The following WBP1L variants were observed in gnomAD, a reference collection of about 807,000 sequenced individuals.
WBP1L encodes the protein WW domain binding protein 1 like, also known as WW domain binding protein 1-like.
Under a neutral mutation model 33.7 loss-of-function variants are expected in WBP1L, and 17 were observed. The ratio of observed to expected loss-of-function variants is 0.50; its 90% CI spans 0.34 to 0.76. The LOEUF is 0.76. Ranked by LOEUF, WBP1L falls within the 30% of genes least tolerant of loss-of-function variation. The pLI is 0.01. For synonymous variants in WBP1L, 173 were observed against 190.8 expected, an observed-to-expected ratio of 0.91 and a Z score of 0.77; for missense variants, 389 against 469.4, an observed-to-expected ratio of 0.83 and a Z score of 1.58.
At chr10:102,802,405 A>G (rs528009126) in intron 2 of WBP1L, among the ~76,000 whole-genome samples, 2 of 151,728 alleles carry the variant, frequency 1.3e-5, no homozygotes, top group East Asian at 3.9e-4. Flanking sequence ...GTTTGTCTTA[A>G]GATACCCATT....
rs1242219361 is a variant in WBP1L at position 102,768,579 on chromosome 10, C to T, written c.90+24436C>T. Among the ~76,000 whole-genome samples the T allele has an allele frequency of 3.8e-5, 2 of 52,704 alleles. 1 individual carries two copies. The highest frequency in any genetic ancestry group is 1.9e-4 in the African/African-American group (2 of 10,514). The allele number at this position is 52,704 out of a possible 152,430, so 34.6% of individuals were successfully genotyped here. A position where few individuals can be genotyped will look rare whatever the true frequency, so the allele number is the denominator to read the frequency against. Reference sequence around the variant, plus strand: ...TTTTTTTTTGTATTTTTAGTAGAGACGGGGTTTCACCTTGTTAGCCAGGAT... The same window carrying T: ...TTTTTTTTTGTATTTTTAGTAGAGATGGGGTTTCACCTTGTTAGCCAGGAT... On this transcript the variant is annotated intron_variant, in intron 1 of 3. Transcript: ENST00000448841.
chr10:102,744,771 T>G (rs1202606193), intron 1 of WBP1L, among the ~76,000 whole-genome samples: 1 of 152,176 alleles, frequency 6.6e-6, no homozygotes, highest in Non-Finnish European at 1.5e-5. Context: ...TAACAAGCTC[T>G]TGCTGTTAGG....
At chr10:102,783,534 C>A (rs1194430913) in intron 1 of WBP1L, among the ~76,000 whole-genome samples, 1 of 152,182 alleles carries the variant, frequency 6.6e-6, no homozygotes, top group Non-Finnish European at 1.5e-5. Context: ...GTCTGTGAGG[C>A]ACTCGGAGAA....
intron 1 of WBP1L, among the ~76,000 whole-genome samples, chr10:102,760,040 C>G (rs1212099786): frequency 6.6e-6 from 1 of 152,200 alleles, no homozygotes; most frequent in Non-Finnish European, 1.5e-5. Context: ...TTTTTAATTA[C>G]AGCCATGCTA....
chr10:102,746,300 T>C (rs1376885322), intron 1 of WBP1L: 1 of 300,998 alleles, frequency 3.3e-6, no homozygotes, highest in African/African-American at 2.3e-5. Context: ...TCTTTTGTAC[T>C]TTGTTCCATT....
rs200629764 is a variant in WBP1L at position 102,776,394 on chromosome 10, C to A, written c.91-21599C>A. The stretch of plus-strand genomic sequence containing the variant: ...GTGTGGACGATGCTCTTGCAGGATG[C>A]CTTTCCTTTTGGGTCTTAGACAGGT... On this transcript the variant is annotated intron_variant, in intron 1 of 3. Coordinates refer to ENST00000448841, the MANE Select transcript of WBP1L (RefSeq NM_001083913.2). 58 of 1,614,004 alleles carry A rather than the reference C, an allele frequency of 3.6e-5. No homozygotes were observed. In the African/African-American group the frequency reaches 7.2e-4, roughly 20 times the overall value.
At chr10:102,785,154 G>A (rs180757568) in intron 1 of WBP1L, among the ~76,000 whole-genome samples, 2 of 150,694 alleles carry the variant, frequency 1.3e-5, no homozygotes, top group South Asian at 2.1e-4. Flanking sequence ...GATTACAGGC[G>A]TGAGCCACTG....
chr10:102,763,507 C>T (rs888952101), intron 1 of WBP1L, among the ~76,000 whole-genome samples: 7 of 152,096 alleles, frequency 4.6e-5, no homozygotes, highest in African/African-American at 1.7e-4. Context: ...AAGTCATTCG[C>T]CCAGAGTAAT....
At chr10:102,781,506 C>T (rs952636326) in intron 1 of WBP1L, among the ~76,000 whole-genome samples, 14 of 152,136 alleles carry the variant, frequency 9.2e-5, no homozygotes, top group Non-Finnish European at 2.1e-4. Context: ...CTGTCTGCCC[C>T]TGCCCGTTGC....
intron 1 of WBP1L, among the ~76,000 whole-genome samples, chr10:102,750,905 A>G (rs955849378): frequency 5.5e-4 from 83 of 152,224 alleles, no homozygotes; most frequent in African/African-American, 1.9e-3. Flanking sequence ...CCACTGATCT[A>G]CTTGCCATTC....
intron 1 of WBP1L, chr10:102,776,228 C>T: frequency 1.3e-6 from 2 of 1,528,576 alleles, no homozygotes; most frequent in East Asian, 4.8e-5. Context: ...GACAGTGTGC[C>T]TGCTCGGTCC....
chr10:102,795,773 C>T (rs998353900), intron 1 of WBP1L, among the ~76,000 whole-genome samples: 1 of 152,190 alleles, frequency 6.6e-6, no homozygotes, highest in African/African-American at 2.4e-5. Flanking sequence ...GAATGGCATT[C>T]GCAGGGCCTG....
chr10:102,767,268 A>G (rs1325169550), intron 1 of WBP1L, among the ~76,000 whole-genome samples: 1 of 152,224 alleles, frequency 6.6e-6, no homozygotes, highest in Non-Finnish European at 1.5e-5. Context: ...ATTGTCAACA[A>G]CAAAATGATT....
chr10:102,779,684 G>A (rs1302252096), intron 1 of WBP1L, among the ~76,000 whole-genome samples: 1 of 117,286 alleles, frequency 8.5e-6, no homozygotes, highest in Non-Finnish European at 2.1e-5. Flanking sequence ...TTCTGATCCC[G>A]GTTGTTTCCG....
At chr10:102,745,417 A>G (rs1842854062) in intron 1 of WBP1L, among the ~76,000 whole-genome samples, 1 of 151,984 alleles carries the variant, frequency 6.6e-6, no homozygotes, top group African/African-American at 2.4e-5. Flanking sequence ...CATTTTCATC[A>G]CCCCAATAGA....
At chr10:102,783,166 T>A (rs972472873) in intron 1 of WBP1L, among the ~76,000 whole-genome samples, 4 of 152,092 alleles carry the variant, frequency 2.6e-5, no homozygotes, top group Admixed American at 2.6e-4. Context: ...AAATAGAACA[T>A]ACAGTCATTC....
intron 2 of WBP1L, among the ~76,000 whole-genome samples, chr10:102,805,289 T>G (rs1590192242): frequency 6.6e-6 from 1 of 152,222 alleles, no homozygotes; most frequent in African/African-American, 2.4e-5. Context: ...AAAATTTATT[T>G]TAATTAAATT....
At chr10:102,773,191 C>G (rs1247685626) in intron 1 of WBP1L, among the ~76,000 whole-genome samples, 1 of 152,112 alleles carries the variant, frequency 6.6e-6, no homozygotes, top group African/African-American at 2.4e-5. Context: ...AACTCACTTT[C>G]CTGGGAATGC....
At chr10:102,764,423 T>C (rs1311609496) in intron 1 of WBP1L, among the ~76,000 whole-genome samples, 1 of 152,218 alleles carries the variant, frequency 6.6e-6, no homozygotes, top group East Asian at 1.9e-4. Context: ...TTCCTCATGA[T>C]TTAGACTCTG....
Sources: gnomAD v4.1 joint callset for allele counts (sites outside exome capture counted in the v4.1 genomes callset) on GRCh38, gnomAD v4.1.1 for gene constraint, MANE v1.5 for transcripts, NCBI Gene and HGNC (gene_info 2026-07-23, HGNC 2026-07-21) for gene names.